The following CDC14A variants were observed in gnomAD, a reference collection of about 807,000 sequenced individuals.
The protein encoded by CDC14A is dual specificity protein phosphatase CDC14A.
A neutral mutation model predicts 74.4 loss-of-function variants in CDC14A; 53 were observed. The observed-to-expected ratio is 0.71, with a 90% CI of 0.57 to 0.89. The LOEUF is 0.89. Among genes scored for constraint, CDC14A ranks in the 40% least tolerant of loss-of-function variants. CDC14A has a pLI of 0.00. For missense variants in CDC14A, 646 were observed against 713.7 expected (o/e 0.91, Z 1.08); for synonymous variants, 247 against 258.4 (o/e 0.96, Z 0.43).
intron 4 of CDC14A, among the ~76,000 whole-genome samples, chr1:100,407,130 G>A (rs536871552): frequency 3.3e-5 from 5 of 152,192 alleles, no homozygotes; most frequent in East Asian, 1.9e-4. Context: ...GTCAGGTAGC[G>A]TGATGCCTCC....
intron 3 of CDC14A, 87 bp downstream of exon 3, chr1:100,377,708 T>C: frequency 2.2e-6 from 2 of 917,060 alleles, no homozygotes; most frequent in Non-Finnish European, 3.4e-6. Flanking sequence ...CACAAAACAT[T>C]TAGTCAGGTG....
chr1:100,506,375 G>A (rs1052894536), intron 15 of CDC14A, among the ~76,000 whole-genome samples: 36 of 151,886 alleles, frequency 2.4e-4, no homozygotes, highest in African/African-American at 8.5e-4. Flanking sequence ...CTCAATCTCA[G>A]TATTGAACCA....
At chr1:100,447,510 G>C (rs147109018) in intron 7 of CDC14A, among the ~76,000 whole-genome samples, 92 of 152,282 alleles carry the variant, frequency 6.0e-4, no homozygotes, top group Non-Finnish European at 9.0e-4. Context: ...CAAAACATTT[G>C]TACTTCTCCA....
chr1:100,420,063 C>CAATATATATATATAT, intron 4 of CDC14A, among the ~76,000 whole-genome samples: 2 of 61,566 alleles, frequency 3.2e-5, no homozygotes, highest in Non-Finnish European at 7.6e-5. Context: ...CACACACACA[C>CAATATATATATATAT]ATATATATAT....
chr1:100,371,954 T>A (rs1654537330), intron 2 of CDC14A, among the ~76,000 whole-genome samples: 1 of 152,196 alleles, frequency 6.6e-6, no homozygotes, highest in East Asian at 1.9e-4. Context: ...ACAGGCATAC[T>A]GTGGAGATAT....
Position 100,433,617 on chromosome 1 carries a change from G to T in CDC14A, c.390-6315G>T, listed in dbSNP as rs187064025. On this transcript the variant is annotated intron_variant, in intron 5 of 15. Transcript: ENST00000336454. ...TATTTTTTAATGTAGTCTCCACATT[G>T]TAGACACTGTGCTTCTGTTCTCCAT... Among the ~76,000 whole-genome samples the T allele has an allele frequency of 8.3e-3, 1,260 of 152,130 alleles. 15 individuals are homozygous for T. The highest frequency in any genetic ancestry group is 0.029 in the African/African-American group (1,207 of 41,480).
chr1:100,518,196 T>C lies in CDC14A; in HGVS notation c.1756-55T>C. On this transcript the variant is annotated intron_variant, in intron 15 of 15. Coordinates refer to ENST00000336454, the MANE Select transcript of CDC14A (RefSeq NM_003672.4). ...GGAAGGGAGAAGCTGCATGACTTGCTAGAAGTTTTACATGTGATGGAATTT... is the reference window on the plus strand; with the variant it reads ...GGAAGGGAGAAGCTGCATGACTTGCCAGAAGTTTTACATGTGATGGAATTT... 2.1e-6 allele frequency: 3 copies of C among 1,411,758 alleles called. No homozygotes were observed. In the South Asian group the frequency reaches 3.5e-5, roughly 17 times the overall value. 87.5% of individuals were successfully genotyped at this position (1,411,758 alleles called of 1,614,324 possible).
chr1:100,415,546 T>C (rs1237296956), intron 4 of CDC14A, among the ~76,000 whole-genome samples: 4 of 152,232 alleles, frequency 2.6e-5, no homozygotes, highest in Non-Finnish European at 5.9e-5. Context: ...TATTGTCTTA[T>C]GCTTTGCTGA....
chr1:100,348,723 C>T (rs899798985), upstream of CDC14A, among the ~76,000 whole-genome samples: 7 of 152,314 alleles, frequency 4.6e-5, no homozygotes, highest in African/African-American at 1.7e-4. Flanking sequence ...GAAGAGCTGT[C>T]ATGAGTAAGG....
In CDC14A at chr1:100,496,064, G is replaced by A; in HGVS notation, c.1298+15G>A. 1 of 1,607,034 alleles carries A rather than the reference G, an allele frequency of 6.2e-7. No individual in the cohort carries two copies. The highest frequency in any genetic ancestry group is 8.5e-7 in the Non-Finnish European group (1 of 1,173,604). The stretch of plus-strand genomic sequence containing the variant: ...CAGCCTTTCAGGTACTGCCAATGAG[G>A]TTGAATGTCTAGTAGCTTGTAAATA... On this transcript the variant is annotated intron_variant, in intron 13 of 15. Transcript: ENST00000336454.
At chr1:100,349,857 G>C (rs1000358222), upstream of CDC14A, among the ~76,000 whole-genome samples, 10 of 152,026 alleles carry the variant, frequency 6.6e-5, no homozygotes, top group African/African-American at 2.4e-4. Flanking sequence ...GTCTTTCTCT[G>C]TCGCCCAGGC....
rs750581079 is a variant in CDC14A at position 100,455,427 on chromosome 1, A to C, written c.542A>C (p.Asn181Thr). 1 of 1,603,782 alleles carries C rather than the reference A, an allele frequency of 6.2e-7. No individual in the cohort carries two copies. The highest frequency in any genetic ancestry group is 1.1e-5 in the South Asian group (1 of 87,222). The change falls in exon 8 of 16, where the codon AAC (asparagine) becomes ACC (threonine). Residue 181 changes from asparagine (N) to threonine (T), a missense_variant. By Grantham distance (65) the Asn-to-Thr change is moderately conservative (BLOSUM62 0). Coordinates refer to ENST00000336454, the MANE Select transcript of CDC14A (RefSeq NM_003672.4). ...CAGCGAGTTGAAAATGGTGACTTCA[A>C]CTGGATTGTTCCAGGAAAATTTTTA... ...HYERVENGDFNWIVPGKFLAF... is the reference protein window; with the variant it reads ...HYERVENGDFTWIVPGKFLAF...
At chr1:100,497,008 A>G (rs370058134) in intron 13 of CDC14A, among the ~76,000 whole-genome samples, 10 of 152,378 alleles carry the variant, frequency 6.6e-5, no homozygotes, top group African/African-American at 2.4e-4. Context: ...GCATTGTGCT[A>G]GCCACTGGGA....
At chr1:100,360,737 C>A (rs936629981) in intron 2 of CDC14A, among the ~76,000 whole-genome samples, 1 of 152,096 alleles carries the variant, frequency 6.6e-6, no homozygotes, top group Non-Finnish European at 1.5e-5. Context: ...CTTAGGCATT[C>A]GGTGTAGAGT....
chr1:100,509,186 C>T (rs1298409371), intron 15 of CDC14A, among the ~76,000 whole-genome samples: 2 of 152,170 alleles, frequency 1.3e-5, no homozygotes, highest in East Asian at 1.9e-4. Context: ...CCCTTTGCTT[C>T]TCACCTCCTT....
At chr1:100,375,624 C>T (rs907626364) in intron 2 of CDC14A, among the ~76,000 whole-genome samples, 10 of 152,070 alleles carry the variant, frequency 6.6e-5, no homozygotes, top group Admixed American at 1.3e-4. Context: ...GTTAGAATGG[C>T]GATCATTAAA....
chr1:100,484,716 C>T, intron 11 of CDC14A: 1 of 1,057,738 alleles, frequency 9.5e-7, no homozygotes, highest in Non-Finnish European at 1.1e-6. Flanking sequence ...AACAGAAAAG[C>T]AAACTTTCTA....
At chr1:100,351,672 G>A, upstream of CDC14A, 1 of 1,417,630 alleles carries the variant, frequency 7.1e-7, no homozygotes, top group Non-Finnish European at 9.7e-7. Flanking sequence ...CCGCCCCTCC[G>A]GGACCGGAGC....
chr1:100,420,074 A>ATATATATATATATATATATATATT (rs1662157642), intron 4 of CDC14A, among the ~76,000 whole-genome samples: 1 of 110,054 alleles, frequency 9.1e-6, no homozygotes, highest in African/African-American at 3.6e-5. Flanking sequence ...ATATATATAT[A>ATATATATATATATATATATATATT]TATATATAGT....
Sources: allele counts gnomAD v4.1 joint callset (sites outside exome capture counted in the v4.1 genomes callset), GRCh38; gene constraint gnomAD v4.1.1; transcripts MANE v1.5; gene names NCBI Gene and HGNC (gene_info 2026-07-23, HGNC 2026-07-21).